Variants in TAF6 observed in about 807,000 individuals in gnomAD.
TAF6 encodes TATA-box binding protein associated factor 6.
A neutral mutation model predicts 73.5 loss-of-function variants in TAF6; 50 were observed. That is an observed-to-expected ratio of 0.68 (90% CI 0.54 to 0.86). The LOEUF is 0.86. Among genes scored for constraint, TAF6 ranks in the 40% least tolerant of loss-of-function variants. TAF6 has a pLI of 0.00. For missense variants in TAF6, 768 were observed against 899.5 expected, an observed-to-expected ratio of 0.85 and a Z score of 1.87; for synonymous variants, 424 against 376.7, an observed-to-expected ratio of 1.13 and a Z score of -1.45.
rs374853247 is a variant in TAF6 at position 100,107,603 on chromosome 7, C to T, written c.1677G>A (p.Ser559=). The T allele has an allele frequency of 1.7e-5, 28 of 1,613,210 alleles. No homozygotes were observed. Among genetic ancestry groups the T allele is most frequent in the Middle Eastern group, 3.5e-4 (2 of 5,768 alleles). ...TGGTGGTGGAACCTGAGCCGGGGGC[C>T]GAGGTGCTGAGGGACAGGACCTGGA... ...STQQVLSLST[S]APGSGSTTTS... is the part of the protein sequence containing the mutation. The change falls in exon 15 of 15, where the codon TCG becomes TCA. Residue 559 remains serine (S), a synonymous_variant. Transcript: ENST00000453269.
chr7:100,111,003 C>T (rs1797139752), intron 10 of TAF6, 136 bp downstream of exon 10: 1 of 838,648 alleles, frequency 1.2e-6, no homozygotes, highest in Admixed American at 3.0e-5. Flanking sequence ...AAAGGTATTA[C>T]AGACAAGCCT....
At chr7:100,122,647 G>A (rs1798107764), upstream of TAF6, 2 of 1,515,398 alleles carry the variant, frequency 1.3e-6, no homozygotes, top group Non-Finnish European at 1.8e-6. Flanking sequence ...AGGCCCTCCA[G>A]AGGTTATCTG....
the TAF6 span, chr7:100,126,782 C>T: frequency 6.5e-6 from 1 of 152,710 alleles, no homozygotes; most frequent in Non-Finnish European, 1.5e-5. Context: ...GCACTCCTGC[C>T]TGGGCAACTG....
In TAF6 at chr7:100,108,038, A is replaced by C; in HGVS notation, c.1544T>G (p.Leu515Arg). Residue 515 changes from leucine (L) to arginine (R), a missense_variant, in exon 14 of 15, where the codon CTT becomes CGT. Coordinates refer to ENST00000453269, the MANE Select transcript of TAF6 (RefSeq NM_139315.3). ...GLLKVPGSIA[L>R]PVQTLVSARA... is the part of the protein sequence containing the mutation. ...TGCAGACACCAGTGTCTGGACAGGA[A>C]GTGCGATGGAGCCAGGAACCTTCAG... The C allele has an allele frequency of 6.2e-7, 1 of 1,613,712 alleles. No homozygotes were observed. The highest frequency in any genetic ancestry group is 8.5e-7 in the Non-Finnish European group (1 of 1,179,934).
upstream of TAF6, chr7:100,123,052 C>G: frequency 1.1e-6 from 1 of 890,844 alleles, no homozygotes; most frequent in Non-Finnish European, 1.6e-6. Context: ...TAAAGTGGGT[C>G]CAGGAGCGGT....
rs533092571 is a variant in TAF6, at chr7:100,118,777, G to A, written c.-60+427C>T. ...TGGGGCCGTGCTGGAAGGATGGGAA[G>A]AGGGAGGCCGAAAAACAAATTGGTT... On this transcript the variant is annotated intron_variant, in intron 1 of 14. Transcript: ENST00000453269. 3.9e-5 allele frequency: 33 copies of A among 847,904 alleles called. No homozygotes were observed. In the South Asian group the frequency reaches 1.7e-3, roughly 43 times the overall value. 52.5% of individuals were successfully genotyped at this position (847,904 alleles called of 1,614,324 possible).
Position 100,112,648 on chromosome 7 carries a change from G to A in TAF6, c.574+150C>T. 4.4e-6 allele frequency: 5 copies of A among 1,128,370 alleles called. No individual in the cohort carries two copies. The South Asian group carries it at 9.7e-5, about 22-fold the overall frequency. The allele number at this position is 1,128,370 out of a possible 1,614,324, so 69.9% of individuals were successfully genotyped here. Reference sequence around the variant, plus strand: ...GAGAATCGCTTGAACCCTGGAGGTGGAGGTTGCAGTGAGCTGAGATCGTAC... The same window carrying A: ...GAGAATCGCTTGAACCCTGGAGGTGAAGGTTGCAGTGAGCTGAGATCGTAC... On this transcript the variant is annotated intron_variant, in intron 6 of 14. Coordinates refer to ENST00000453269, the MANE Select transcript of TAF6 (RefSeq NM_139315.3).
At chr7:100,111,678 G>A in intron 9 of TAF6, 50 bp downstream of exon 9, 1 of 1,575,424 alleles carries the variant, frequency 6.3e-7, no homozygotes, top group East Asian at 2.2e-5. Context: ...TCCTGTTGGT[G>A]GCAGCAGGGT....
Position 100,113,759 on chromosome 7 carries a change from C to T in TAF6, c.254G>A (p.Gly85Asp). 6.2e-7 allele frequency: 1 copy of T among 1,613,906 alleles called. No homozygotes were observed. Among genetic ancestry groups the T allele is most frequent in the Non-Finnish European group, 8.5e-7 (1 of 1,179,932 alleles). The change falls in exon 4 of 15, where the codon GGC becomes GAC. Residue 85 changes from glycine to aspartate, a missense_variant. Transcript: ENST00000453269. ...LKLKNVEPLY[G>D]FHAQEFIPFR... Reference sequence around the variant, plus strand: ...AGGAATGAACTCCTGGGCGTGGAAGCCATAGAGTGGCTGTGGCAGGAGAGA... The same window carrying T: ...AGGAATGAACTCCTGGGCGTGGAAGTCATAGAGTGGCTGTGGCAGGAGAGA...
At chr7:100,127,039 GA>G in the TAF6 span, 1 of 235,088 alleles carries the variant, frequency 4.3e-6, no homozygotes, top group African/African-American at 2.3e-5. This position sits in a 1 kb window ranked among gnomAD's most constrained non-coding sequence, Gnocchi z 4.6. Context: ...TTCTTCGAGT[GA>G]GGCAAGACCT....
upstream of TAF6, among the ~76,000 whole-genome samples, chr7:100,123,921 G>A (rs1382033583): frequency 6.6e-6 from 1 of 152,114 alleles, no homozygotes; most frequent in Non-Finnish European, 1.5e-5. Context: ...ACGACATCAG[G>A]GGTTCAAGAC....
At chr7:100,123,954 C>T (rs1187144724), upstream of TAF6, among the ~76,000 whole-genome samples, 1 of 152,048 alleles carries the variant, frequency 6.6e-6, no homozygotes, top group Non-Finnish European at 1.5e-5. Flanking sequence ...CATAGTGAAA[C>T]CCTGTCTCTA....
intron 1 of TAF6, among the ~76,000 whole-genome samples, chr7:100,116,840 T>C (rs1349710593): frequency 6.6e-6 from 1 of 152,194 alleles, no homozygotes; most frequent in African/African-American, 2.4e-5. Context: ...GCATTCCCTC[T>C]GCCTGGAATG....
At chr7:100,124,837 C>A (rs750835729), upstream of TAF6, 17 of 1,608,948 alleles carry the variant, frequency 1.1e-5, no homozygotes, top group Non-Finnish European at 1.4e-5. Flanking sequence ...AAGGGGGAGA[C>A]AAGATGACCA....
At chr7:100,121,822 G>C (rs928028350), upstream of TAF6, among the ~76,000 whole-genome samples, 1 of 151,266 alleles carries the variant, frequency 6.6e-6, no homozygotes, top group Non-Finnish European at 1.5e-5. Flanking sequence ...AGGCCAAGGC[G>C]GGCGGATCAC....
Position 100,107,880 on chromosome 7 carries a change from G to A in TAF6, c.1656+46C>T, listed in dbSNP as rs758108351. 3.8e-6 allele frequency: 6 copies of A among 1,564,202 alleles called. No individual in the cohort carries two copies. In the African/African-American group the frequency reaches 8.1e-5, roughly 21 times the overall value. On this transcript the variant is annotated intron_variant, in intron 14 of 14. Transcript: ENST00000453269. ...CTGGGCCTCCCCAGGGTGCTCTGAG[G>A]TAACCCAGGCCCTCCAGATGCTCCC...
intron 10 of TAF6, 81 bp downstream of exon 10, chr7:100,111,057 GC>G: frequency 6.6e-7 from 1 of 1,508,586 alleles, no homozygotes; most frequent in Non-Finnish European, 9.1e-7. Context: ...TCTTCCCTCT[GC>G]CCCCTTGTTT....
rs1036423138 is a variant in TAF6, at chr7:100,108,041, G to C, written c.1541C>G (p.Ala514Gly). 2 of 1,613,738 alleles carry C rather than the reference G, an allele frequency of 1.2e-6. No individual in the cohort carries two copies. The highest frequency in any genetic ancestry group is 1.3e-5 in the African/African-American group (1 of 75,056). Residue 514 changes from alanine to glycine, a missense_variant, in exon 14 of 15, where the codon GCA (alanine) becomes GGA (glycine). Ala to Gly is a moderately conservative substitution (Grantham distance 60). Transcript: ENST00000453269. ...AGACACCAGTGTCTGGACAGGAAGT[G>C]CGATGGAGCCAGGAACCTTCAGCAA... ...PGLLKVPGSIALPVQTLVSAR... is the reference protein window; with the variant it reads ...PGLLKVPGSIGLPVQTLVSAR...
chr7:100,119,841 C>A (rs746602407), upstream of TAF6: 1 of 1,612,548 alleles, frequency 6.2e-7, no homozygotes, highest in Non-Finnish European at 8.5e-7. Flanking sequence ...TGACACAGAA[C>A]GCTTGCCCAG....
Sources: allele counts gnomAD v4.1 joint callset (sites outside exome capture counted in the v4.1 genomes callset), GRCh38; gene constraint gnomAD v4.1.1; non-coding constraint Gnocchi (gnomAD v3.1); transcripts MANE v1.5; gene names NCBI Gene and HGNC (gene_info 2026-07-23, HGNC 2026-07-21).